The following ITSN2 variants were observed in gnomAD, a reference collection of about 807,000 sequenced individuals.
ITSN2 encodes the protein intersectin-2.
In ITSN2, 156 loss-of-function variants were observed where a neutral mutation model predicts 243.7. The ratio of observed to expected loss-of-function variants is 0.64; its 90% confidence interval spans 0.56 to 0.73. ITSN2 has a LOEUF of 0.73. Ranked by LOEUF, ITSN2 falls within the 30% of genes least tolerant of loss-of-function variation. ITSN2 has a pLI of 0.00. For synonymous variants in ITSN2, 703 were observed against 699.9 expected (o/e 1.00, Z -0.07); for missense variants, 1,801 against 1,996.1 (o/e 0.90, Z 1.86).
At chr2:24,293,941 C>T (rs936796296) in intron 14 of ITSN2, among the ~76,000 whole-genome samples, 166 bp from the exon 15 acceptor site, 1 of 152,014 alleles carries the variant, frequency 6.6e-6, no homozygotes, top group Non-Finnish European at 1.5e-5. Flanking sequence ...TGGAATTATG[C>T]CAAGAAATAT....
chr2:24,347,392 A>AT (rs1345629628), intron 1 of ITSN2, among the ~76,000 whole-genome samples: 6 of 151,784 alleles, frequency 4.0e-5, no homozygotes, highest in Admixed American at 2.0e-4. Context: ...TTAAAAAAAA[A>AT]ATACAAATTG....
At chr2:24,288,397 T>G (rs962826161) in intron 15 of ITSN2, among the ~76,000 whole-genome samples, 5 of 152,102 alleles carry the variant, frequency 3.3e-5, no homozygotes, top group Non-Finnish European at 7.4e-5. Flanking sequence ...GACAAAAAAT[T>G]GTATATATAT....
At chr2:24,348,813 C>T (rs1430585707) in intron 1 of ITSN2, among the ~76,000 whole-genome samples, 2 of 152,170 alleles carry the variant, frequency 1.3e-5, no homozygotes, top group African/African-American at 4.8e-5. Context: ...GGCAGAAAAG[C>T]ATTCGTCCAT....
At chr2:24,283,518 G>A (rs927282163) in intron 17 of ITSN2, among the ~76,000 whole-genome samples, 4 of 152,324 alleles carry the variant, frequency 2.6e-5, no homozygotes, top group African/African-American at 9.6e-5. Flanking sequence ...GAGCCACTGC[G>A]CCTGGCCAAT....
chr2:24,223,683 CA>C (rs61310660), intron 29 of ITSN2, among the ~76,000 whole-genome samples: 1,770 of 87,332 alleles, frequency 0.02, 11 homozygotes, highest in African/African-American at 0.036. Flanking sequence ...GACCCTGTTT[CA>C]AAAAAAAAAA....
At position 24,249,697 on chromosome 2, in the gene ITSN2, A is replaced by G. The variant is rs566152519; in HGVS notation, c.3121-815T>C. 6.6e-5 allele frequency among the ~76,000 whole-genome samples: 10 copies of G among 152,332 alleles called. No individual in the cohort carries two copies. In the East Asian group the frequency reaches 1.9e-3, roughly 29 times the overall value. On this transcript the variant is annotated intron_variant, in intron 25 of 39. Transcript: ENST00000355123. The surrounding 1 kb of genome is among the most constrained non-coding windows in gnomAD (Gnocchi z 4.4). ...TTATCCCCATTTTACAGAGAAGGAA[A>G]CTGAGGCACAGAAAGGTACAGTAAC...
Position 24,203,145 on chromosome 2 carries a change from T to C in ITSN2, c.*481A>G, listed in dbSNP as rs1357540800. ...TTTCTGTTTTTATTCAGTGCACGAG[T>C]AGACGCTATTTCAGTATCAGGCCGC... is the stretch of plus-strand genomic sequence containing the variant. On this transcript the variant is annotated 3_prime_UTR_variant, in exon 40 of 40. Transcript: ENST00000355123. 1.3e-5 allele frequency: 2 copies of C among 154,334 alleles called. No homozygotes were observed. Among genetic ancestry groups the C allele is most frequent in the African/African-American group, 2.4e-5 (1 of 41,412 alleles). The allele number at this position is 154,334 out of a possible 1,614,324, so 9.6% of individuals were successfully genotyped here.
At chr2:24,343,945 A>G (rs1310343786) in intron 1 of ITSN2, among the ~76,000 whole-genome samples, 1 of 152,202 alleles carries the variant, frequency 6.6e-6, no homozygotes, top group Non-Finnish European at 1.5e-5. Context: ...ACAGGGGAGG[A>G]GGGGTGAACC....
chr2:24,342,103 G>A (rs576465177), intron 1 of ITSN2, among the ~76,000 whole-genome samples: 1 of 152,300 alleles, frequency 6.6e-6, no homozygotes, highest in African/African-American at 2.4e-5. Context: ...TGAAGTTCAG[G>A]AAGGGGAGTA....
At chr2:24,306,169 G>A (rs1255369041) in intron 8 of ITSN2, among the ~76,000 whole-genome samples, 1 of 152,076 alleles carries the variant, frequency 6.6e-6, no homozygotes, top group Admixed American at 6.5e-5. Flanking sequence ...TAGTAGCGAT[G>A]GGGTTTCACC....
chr2:24,295,677 T>C lies in ITSN2; in HGVS notation c.1622A>G (p.Gln541Arg). 6.5e-7 allele frequency: 1 copy of C among 1,538,784 alleles called. No individual in the cohort carries two copies. Among genetic ancestry groups the C allele is most frequent in the Non-Finnish European group, 8.7e-7 (1 of 1,153,494 alleles). ...TGAAGGACTTACCTGAAGTTCCTGT[T>C]GAAGTTGCTTGATTTCCATAATTTC... ...DLEIMEIKQL[Q>R]QELQEYQNKL... The change falls in exon 14 of 40, where the codon CAA (glutamine) becomes CGA (arginine). Residue 541 changes from glutamine to arginine, a missense_variant. Transcript: ENST00000355123.
At chr2:24,266,639 G>C (rs1231121383) in intron 20 of ITSN2, among the ~76,000 whole-genome samples, 1 of 151,918 alleles carries the variant, frequency 6.6e-6, no homozygotes, top group Non-Finnish European at 1.5e-5. Context: ...GTTTAAAATA[G>C]TTAAGTCTGC....
At chr2:24,236,861 A>ATTTTTTT in intron 29 of ITSN2, among the ~76,000 whole-genome samples, 1 of 134,066 alleles carries the variant, frequency 7.5e-6, no homozygotes, top group South Asian at 2.4e-4. Flanking sequence ...TCTATCTTTT[A>ATTTTTTT]TTTTTTATTT....
chr2:24,260,822 T>C (rs1399736172), intron 22 of ITSN2, among the ~76,000 whole-genome samples: 1 of 145,956 alleles, frequency 6.9e-6, no homozygotes, highest in East Asian at 2.0e-4. Flanking sequence ...GAGAATCTCT[T>C]CAACCAGGGA....
rs149218507 is a variant in ITSN2, at chr2:24,287,798, A to G, written c.1724-1447T>C. Among the ~76,000 whole-genome samples the G allele has an allele frequency of 1.7e-3, 259 of 152,222 alleles. 3 individuals are homozygous for G. The highest frequency in any genetic ancestry group is 4.5e-3 in the African/African-American group (189 of 41,576). On this transcript the variant is annotated intron_variant, in intron 15 of 39. Coordinates refer to ENST00000355123, the MANE Select transcript of ITSN2 (RefSeq NM_006277.3). ...ATTTGCATTTCCCTGATGATTAATA[A>G]TGTTGAGTCCCTTTTTAAATATCTC... is the stretch of plus-strand genomic sequence containing the variant.
chr2:24,221,255 A>C (rs771608805), intron 29 of ITSN2, 189 bp from the exon 30 acceptor site: 21 of 561,842 alleles, frequency 3.7e-5, no homozygotes, highest in Non-Finnish European at 6.1e-5. Flanking sequence ...GCCGGCACTC[A>C]CAGCTCCAAA....
At chr2:24,329,684 T>TA (rs1685560819) in intron 1 of ITSN2, among the ~76,000 whole-genome samples, 1 of 152,174 alleles carries the variant, frequency 6.6e-6, no homozygotes, top group Non-Finnish European at 1.5e-5. Flanking sequence ...ACTACTATAT[T>TA]AAAAGATCAT....
chr2:24,208,404 A>G, intron 36 of ITSN2, 85 bp from the exon 37 acceptor site: 2 of 986,486 alleles, frequency 2.0e-6, no homozygotes, highest in Non-Finnish European at 1.6e-6. Flanking sequence ...CATGTTCTTC[A>G]GTCTTTTGCT....
chr2:24,281,377 A>G (rs1678756058), intron 17 of ITSN2, among the ~76,000 whole-genome samples: 1 of 152,090 alleles, frequency 6.6e-6, no homozygotes, highest in Non-Finnish European at 1.5e-5. Context: ...GACTCCCATC[A>G]TTCTCTTTCT....
Sources: allele counts gnomAD v4.1 joint callset (sites outside exome capture counted in the v4.1 genomes callset), GRCh38; gene constraint gnomAD v4.1.1; non-coding constraint Gnocchi (gnomAD v3.1); transcripts MANE v1.5; gene names NCBI Gene and HGNC (gene_info 2026-07-23, HGNC 2026-07-21).